ZNF624: variants seen among roughly 807,000 people sequenced by gnomAD.
The protein encoded by ZNF624 is zinc finger protein 624.
In ZNF624, 43 loss-of-function variants were observed where a neutral mutation model predicts 74.7. That is an observed-to-expected ratio of 0.58 (90% CI 0.45 to 0.74). The LOEUF (loss-of-function observed/expected upper bound fraction) is 0.74, where lower values mean the gene tolerates loss of function less well. Among genes scored for constraint, ZNF624 ranks in the 30% least tolerant of loss-of-function variants. ZNF624 has a pLI of 0.00. For missense variants in ZNF624, 820 were observed against 1,030.0 expected, an observed-to-expected ratio of 0.80 and a Z score of 2.79; for synonymous variants, 331 against 341.3, an observed-to-expected ratio of 0.97 and a Z score of 0.33.
At chr17:16,632,170 C>T (rs1346269283) in intron 5 of ZNF624, among the ~76,000 whole-genome samples, 1 of 152,174 alleles carries the variant, frequency 6.6e-6, no homozygotes, top group Admixed American at 6.5e-5. Flanking sequence ...ATCTTCCTGC[C>T]CTCAACTGAC....
chr17:16,625,132 T>A (rs965381238), intron 5 of ZNF624, among the ~76,000 whole-genome samples: 1 of 152,102 alleles, frequency 6.6e-6, no homozygotes, highest in African/African-American at 2.4e-5. Flanking sequence ...ACTTCCTTGC[T>A]TTCTATTTAC....
chr17:16,649,214 A>G (rs1385640785), intron 2 of ZNF624, among the ~76,000 whole-genome samples: 1 of 152,208 alleles, frequency 6.6e-6, no homozygotes, highest in Non-Finnish European at 1.5e-5. Flanking sequence ...CTTCTTAATG[A>G]GTAGAAAAGA....
chr17:16,624,203 T>A lies in ZNF624; in HGVS notation c.683A>T (p.Glu228Val). The A allele has an allele frequency of 2.5e-6, 4 of 1,614,206 alleles. No individual in the cohort carries two copies. Among genetic ancestry groups the A allele is most frequent in the Non-Finnish European group, 3.4e-6 (4 of 1,180,040 alleles). Residue 228 changes from glutamate to valine, a missense_variant, in exon 6 of 6, where the codon GAG becomes GTG. Transcript: ENST00000311331. ...ATTTAAATTCTCTGTGAAATTTTCC[T>A]CTTGTGTTTGGCATCTGCTGTGAAG... ...EELHSRCQTQ[E>V]ENFTENLNLI... is the part of the protein sequence containing the mutation.
downstream of ZNF624, among the ~76,000 whole-genome samples, chr17:16,616,150 T>A (rs372633481): frequency 1.5e-3 from 213 of 146,384 alleles, 1 homozygote; most frequent in African/African-American, 4.8e-3. Context: ...TTTTTTTTTT[T>A]AAATACCTTT....
At chr17:16,648,932 T>C (rs773620874) in intron 2 of ZNF624, among the ~76,000 whole-genome samples, 37 of 152,224 alleles carry the variant, frequency 2.4e-4, no homozygotes, top group Admixed American at 5.2e-4. Context: ...TCTTCATAAA[T>C]ACTTTATGAC....
intron 1 of ZNF624, among the ~76,000 whole-genome samples, chr17:16,650,152 G>A (rs1056152061): frequency 6.6e-6 from 1 of 151,528 alleles, no homozygotes; most frequent in Middle Eastern, 3.2e-3. Context: ...TGTGAAGTAC[G>A]AAAAAAAATA....
In ZNF624 at chr17:16,622,478, G is replaced by A; in HGVS notation, c.2408C>T (p.Thr803Ile). ...SQLTLHQRIH[T>I]GERPYKCEEC... ...TTCACATTTATAGGGCCTCTCCCCAGTATGAATTCTCTGATGTAGGGTTAG... is the reference window on the plus strand; with the variant it reads ...TTCACATTTATAGGGCCTCTCCCCAATATGAATTCTCTGATGTAGGGTTAG... Residue 803 changes from threonine to isoleucine, a missense_variant, in exon 6 of 6, where the codon ACT (threonine) becomes ATT (isoleucine). Physicochemically the swap from Thr to Ile is moderately conservative, Grantham distance 89. Coordinates refer to ENST00000311331, the MANE Select transcript of ZNF624 (RefSeq NM_020787.4). 6.2e-7 allele frequency: 1 copy of A among 1,613,936 alleles called. No homozygotes were observed. Among genetic ancestry groups the A allele is most frequent in the Non-Finnish European group, 8.5e-7 (1 of 1,179,874 alleles).
intron 5 of ZNF624, among the ~76,000 whole-genome samples, chr17:16,629,566 C>A (rs75728834): frequency 6.6e-6 from 1 of 151,032 alleles, no homozygotes; most frequent in Non-Finnish European, 1.5e-5. Context: ...TATTTATTTA[C>A]TTACTTACTT....
chr17:16,634,496 A>C (rs1209979612), intron 4 of ZNF624, 134 bp downstream of exon 4: 11 of 870,964 alleles, frequency 1.3e-5, no homozygotes, highest in Non-Finnish European at 1.9e-5. Flanking sequence ...TGTAGTTAAG[A>C]GTGAGGAATA....
rs755132955 is a variant in ZNF624, at chr17:16,623,433, A to C, written c.1453T>G (p.Ser485Ala). 12 of 1,614,010 alleles carry C rather than the reference A, an allele frequency of 7.4e-6. No homozygotes were observed. Among genetic ancestry groups the C allele is most frequent in the Non-Finnish European group, 1.0e-5 (12 of 1,179,964 alleles). ...NECGKAYRSN[S>A]SLIVHIRTHT... ...GTTCTTATATGTACGATAAGGCTTGAATTACTTCTATAGGCTTTTCCACAT... is the reference window on the plus strand; with the variant it reads ...GTTCTTATATGTACGATAAGGCTTGCATTACTTCTATAGGCTTTTCCACAT... Residue 485 changes from serine to alanine, a missense_variant, in exon 6 of 6, where the codon TCA (serine) becomes GCA (alanine). Ser to Ala is a moderately conservative substitution (Grantham distance 99). Coordinates refer to ENST00000311331, the MANE Select transcript of ZNF624 (RefSeq NM_020787.4). The surrounding 1 kb of genome is among the most constrained non-coding windows in gnomAD (Gnocchi z 5.3).
intron 2 of ZNF624, among the ~76,000 whole-genome samples, chr17:16,649,069 C>T (rs918205098): frequency 1.3e-5 from 2 of 152,158 alleles, no homozygotes; most frequent in East Asian, 3.8e-4. Flanking sequence ...TTTATCATAC[C>T]GATAAGCAAC....
In ZNF624 at chr17:16,625,034, CAAA is replaced by C. The variant is rs71152822; in HGVS notation, c.377-528_377-526del. 7.3e-4 allele frequency among the ~76,000 whole-genome samples: 76 copies of C among 103,580 alleles called. 2 individuals carry two copies. The highest frequency in any genetic ancestry group is 5.5e-3 in the Admixed American group (55 of 10,014). 68.0% of individuals were successfully genotyped at this position (103,580 alleles called of 152,430 possible). On this transcript the variant is annotated intron_variant, in intron 5 of 5. Coordinates refer to ENST00000311331, the MANE Select transcript of ZNF624 (RefSeq NM_020787.4). ...CCTGGGTGACAGAGCACGACTGTCT[CAAA>C]AAAAAAAAAAAAGCCCATTCATAGT...
At chr17:16,649,873 A>C in intron 1 of ZNF624, 127 bp from the exon 2 acceptor site, 1 of 693,162 alleles carries the variant, frequency 1.4e-6, no homozygotes, top group Non-Finnish European at 2.5e-6. Context: ...CCTTAAGATC[A>C]GTGAGGGACA....
At chr17:16,631,942 A>G (rs1029997748) in intron 5 of ZNF624, among the ~76,000 whole-genome samples, 1 of 152,228 alleles carries the variant, frequency 6.6e-6, no homozygotes, top group Non-Finnish European at 1.5e-5. Context: ...AAACAAAAAG[A>G]AAAAGGAAAT....
At position 16,623,035 on chromosome 17, in the gene ZNF624, G is replaced by T; in HGVS notation, c.1851C>A (p.Cys617Ter). ...TGEKPYKCTD[C>*]ERAFTKMVNL... is the part of the protein sequence containing the mutation. ...TTACCATTTTGGTGAATGCCCTCTC[G>T]CAGTCAGTACATTTATATGGTTTCT... The change falls in exon 6 of 6, where the codon TGC becomes TGA. Residue 617 changes from cysteine (C) to a stop codon, truncating the protein, a stop_gained. Transcript: ENST00000311331. LOFTEE classifies it high-confidence loss of function. The surrounding 1 kb of genome is among the most constrained non-coding windows in gnomAD (Gnocchi z 5.3). 1 of 1,613,550 alleles carries T rather than the reference G, an allele frequency of 6.2e-7. No homozygotes were observed. Among genetic ancestry groups the T allele is most frequent in the Non-Finnish European group, 8.5e-7 (1 of 1,179,832 alleles).
At position 16,623,106 on chromosome 17, in the gene ZNF624, T is replaced by G. The variant is rs749919492; in HGVS notation, c.1780A>C (p.Arg594=). Residue 594 remains arginine, a synonymous_variant, in exon 6 of 6, where the codon AGA becomes CGA. Coordinates refer to ENST00000311331, the MANE Select transcript of ZNF624 (RefSeq NM_020787.4). This position sits in a 1 kb window ranked among gnomAD's most constrained non-coding sequence, Gnocchi z 5.3. ...YLCNECGESF[R]IKSHLTVHQR... is the part of the protein sequence containing the mutation. The stretch of plus-strand genomic sequence containing the variant: ...TGTACAGTTAAGTGTGATTTTATTC[T>G]GAAAGACTCCCCACATTCATTGCAC... The G allele has an allele frequency of 1.9e-6, 3 of 1,613,966 alleles. No homozygotes were observed. The highest frequency in any genetic ancestry group is 2.5e-6 in the Non-Finnish European group (3 of 1,179,986).
At position 16,622,348 on chromosome 17, in the gene ZNF624, C is replaced by T. The variant is rs1908937723; in HGVS notation, c.2538G>A (p.Arg846=). 1 of 1,612,364 alleles carries T rather than the reference C, an allele frequency of 6.2e-7. No homozygotes were observed. Among genetic ancestry groups the T allele is most frequent in the South Asian group, 1.1e-5 (1 of 90,740 alleles). The change falls in exon 6 of 6, where the codon AGG becomes AGA. Residue 846 remains arginine, a synonymous_variant. Coordinates refer to ENST00000311331, the MANE Select transcript of ZNF624 (RefSeq NM_020787.4). ...GATGTACAGTAAGGCTCGAACTACT[C>T]CTGAAGGCTTTTCCACATTCATTAC... ...YKCNECGKAF[R]SSSSLTVHQR... is the part of the protein sequence containing the mutation.
rs181191684 is a variant in ZNF624 at position 16,623,460 on chromosome 17, C to T, written c.1426G>A (p.Glu476Lys). 1.9e-6 allele frequency: 3 copies of T among 1,613,854 alleles called. No individual in the cohort carries two copies. Among genetic ancestry groups the T allele is most frequent in the African/African-American group, 1.3e-5 (1 of 75,008 alleles). ...HTGEKPFRCNECGKAYRSNSS... is the reference protein window; with the variant it reads ...HTGEKPFRCNKCGKAYRSNSS... ...TTACTTCTATAGGCTTTTCCACATT[C>T]GTTACATCTAAAAGGTTTCTCTCCA... The change falls in exon 6 of 6, where the codon GAA (glutamate) becomes AAA (lysine). Residue 476 changes from glutamate (E) to lysine (K), a missense_variant. By Grantham distance (56) the Glu-to-Lys change is moderately conservative. Coordinates refer to ENST00000311331, the MANE Select transcript of ZNF624 (RefSeq NM_020787.4). This position sits in a 1 kb window ranked among gnomAD's most constrained non-coding sequence, Gnocchi z 5.3.
chr17:16,623,001 CCTT>C lies in ZNF624; in HGVS notation c.1882_1884del (p.Lys628del). 2 of 1,613,806 alleles carry C rather than the reference CCTT, an allele frequency of 1.2e-6. No homozygotes were observed. Among genetic ancestry groups the C allele is most frequent in the Non-Finnish European group, 8.5e-7 (1 of 1,179,894 alleles). On this transcript the variant is annotated inframe_deletion, in exon 6 of 6. Coordinates refer to ENST00000311331, the MANE Select transcript of ZNF624 (RefSeq NM_020787.4). This position sits in a 1 kb window ranked among gnomAD's most constrained non-coding sequence, Gnocchi z 5.3. ...ACTCCAGTATGAATTTTCTGATGCTCCTTGAGATTTACCATTTTGGTGAATGCC... is the reference window on the plus strand; with the variant it reads ...ACTCCAGTATGAATTTTCTGATGCTCGAGATTTACCATTTTGGTGAATGCC...
Sources: gnomAD v4.1 joint callset for allele counts (sites outside exome capture counted in the v4.1 genomes callset) on GRCh38, gnomAD v4.1.1 for gene constraint, Gnocchi (gnomAD v3.1) non-coding constraint, MANE v1.5 for transcripts, NCBI Gene and HGNC (gene_info 2026-07-23, HGNC 2026-07-21) for gene names.